Variants in KCNB2 observed in about 807,000 individuals in gnomAD.
The protein encoded by KCNB2 is potassium voltage-gated channel subfamily B member 2, also known as delayed rectifier potassium channel protein.
In KCNB2, 15 loss-of-function variants were observed where a neutral mutation model predicts 61.5. That is an observed-to-expected ratio of 0.24 (90% CI 0.16 to 0.38). The LOEUF (loss-of-function observed/expected upper bound fraction) is 0.38, where lower values mean the gene tolerates loss of function less well. Among genes scored for constraint, KCNB2 ranks in the 10% least tolerant of loss-of-function variants. The probability of loss-of-function intolerance (pLI) is 1.00; values close to 1 mark genes in which losing one functional copy is unlikely to be tolerated. For missense variants in KCNB2, 828 were observed against 1,125.2 expected, an observed-to-expected ratio of 0.74 and a Z score of 3.78; for synonymous variants, 457 against 446.0, an observed-to-expected ratio of 1.02 and a Z score of -0.31.
At chr8:72,718,189 A>G (rs7357485) in intron 2 of KCNB2, among the ~76,000 whole-genome samples, 101,478 of 151,312 alleles carry the variant, frequency 0.67, 34,757 homozygotes, top group African/African-American at 0.8. Flanking sequence ...GATGTGGAGA[A>G]ATAGGAACAC....
chr8:72,867,916 C>T (rs1274803262), intron 2 of KCNB2, among the ~76,000 whole-genome samples: 1 of 152,034 alleles, frequency 6.6e-6, no homozygotes, highest in African/African-American at 2.4e-5. Flanking sequence ...CTTCTTTCTG[C>T]GTTTTACCTC....
At chr8:72,926,034 G>A (rs898214270) in intron 2 of KCNB2, among the ~76,000 whole-genome samples, 38 of 152,184 alleles carry the variant, frequency 2.5e-4, no homozygotes, top group African/African-American at 7.5e-4. Context: ...TTATGAGTAG[G>A]AGCTGAACGA....
chr8:72,866,201 A>G (rs1308013038), intron 2 of KCNB2, among the ~76,000 whole-genome samples: 2 of 152,014 alleles, frequency 1.3e-5, no homozygotes, highest in African/African-American at 4.8e-5. Flanking sequence ...CTGCTGTGTT[A>G]CTCCTGGAAC....
At chr8:72,903,106 G>A (rs574044317) in intron 2 of KCNB2, among the ~76,000 whole-genome samples, 1 of 152,288 alleles carries the variant, frequency 6.6e-6, no homozygotes, top group East Asian at 1.9e-4. Context: ...CATCTAGTCT[G>A]AAGTTCTTTT....
chr8:72,872,933 C>T (rs568920211), intron 2 of KCNB2, among the ~76,000 whole-genome samples: 5 of 152,280 alleles, frequency 3.3e-5, no homozygotes, highest in East Asian at 1.9e-4. Flanking sequence ...AAGACTGTGT[C>T]GGAATATTCC....
chr8:72,806,400 C>T (rs1458246752), intron 2 of KCNB2, among the ~76,000 whole-genome samples: 1 of 148,164 alleles, frequency 6.7e-6, no homozygotes, highest in East Asian at 2.0e-4. Flanking sequence ...ATCAGGAGAT[C>T]CAGACCATCA....
At chr8:72,820,207 C>A (rs1177635740) in intron 2 of KCNB2, among the ~76,000 whole-genome samples, 2 of 152,190 alleles carry the variant, frequency 1.3e-5, no homozygotes, top group Admixed American at 1.3e-4. Flanking sequence ...TCCTTCTTTG[C>A]ATGGCTACTT....
At chr8:72,778,003 C>T (rs1425681056) in intron 2 of KCNB2, among the ~76,000 whole-genome samples, 4 of 152,156 alleles carry the variant, frequency 2.6e-5, no homozygotes, top group Non-Finnish European at 5.9e-5. Flanking sequence ...CCTTTCTTCC[C>T]GTCTTTTCTT....
intron 2 of KCNB2, among the ~76,000 whole-genome samples, chr8:72,829,551 C>T (rs941702351): frequency 6.6e-6 from 1 of 152,112 alleles, no homozygotes; most frequent in Non-Finnish European, 1.5e-5. Flanking sequence ...AAGTTCTCAC[C>T]ACAGCTGTAT....
chr8:72,814,109 G>A (rs1187589978), intron 2 of KCNB2, among the ~76,000 whole-genome samples: 2 of 152,034 alleles, frequency 1.3e-5, no homozygotes, highest in African/African-American at 2.4e-5. Flanking sequence ...AAGAGTGCAT[G>A]CTTTTTTTGT....
At chr8:72,729,215 G>A (rs974984258) in intron 2 of KCNB2, among the ~76,000 whole-genome samples, 5 of 152,206 alleles carry the variant, frequency 3.3e-5, no homozygotes, top group Non-Finnish European at 7.3e-5. Context: ...AATCTCAGTT[G>A]ACCTTCAGAC....
chr8:72,561,691 T>TTTTATATATATATATA (rs1554576093), intron 1 of KCNB2, among the ~76,000 whole-genome samples: 1 of 19,406 alleles, frequency 5.2e-5, no homozygotes, highest in Non-Finnish European at 8.3e-5. Context: ...GATCTTACTT[T>TTTTATATATATATATA]TATATATATA....
At chr8:72,647,382 A>G (rs897317377) in intron 2 of KCNB2, among the ~76,000 whole-genome samples, 1 of 152,138 alleles carries the variant, frequency 6.6e-6, no homozygotes, top group African/African-American at 2.4e-5. Flanking sequence ...AAAAAATAGC[A>G]TCTGTGAAGT....
chr8:72,592,453 C>CTGTGTGTGTG (rs10676983), intron 2 of KCNB2, among the ~76,000 whole-genome samples: 4,286 of 149,658 alleles, frequency 0.029, 89 homozygotes, highest in Middle Eastern at 0.075. Flanking sequence ...ATTATCAACT[C>CTGTGTGTGTG]TGTGTGTGTG....
At chr8:72,921,605 G>A (rs1806520969) in intron 2 of KCNB2, among the ~76,000 whole-genome samples, 1 of 152,114 alleles carries the variant, frequency 6.6e-6, no homozygotes, top group South Asian at 2.1e-4. Flanking sequence ...TAACATCAAA[G>A]AAATTTCTTG....
At chr8:72,622,452 G>C (rs7821791) in intron 2 of KCNB2, among the ~76,000 whole-genome samples, 30,367 of 152,140 alleles carry the variant, frequency 0.2, 3,488 homozygotes, top group East Asian at 0.51. Context: ...CTGAATTAAT[G>C]TGATATGAAT....
intron 2 of KCNB2, among the ~76,000 whole-genome samples, chr8:72,832,139 G>A (rs1809708981): frequency 1.3e-5 from 2 of 152,214 alleles, no homozygotes; most frequent in African/African-American, 4.8e-5. Context: ...AATGTATGCT[G>A]TAGGAGTGAA....
intron 2 of KCNB2, among the ~76,000 whole-genome samples, chr8:72,768,280 A>C (rs534750804): frequency 6.6e-6 from 1 of 152,038 alleles, no homozygotes; most frequent in East Asian, 1.9e-4. Flanking sequence ...AGGCTCAAGC[A>C]ATCCTGCCTC....
intron 2 of KCNB2, among the ~76,000 whole-genome samples, chr8:72,724,748 G>T (rs993270249): frequency 6.6e-6 from 1 of 152,090 alleles, no homozygotes; most frequent in African/African-American, 2.4e-5. Flanking sequence ...GCTAATTCTG[G>T]TAATTCTACC....
Sources: allele counts gnomAD v4.1 joint callset (sites outside exome capture counted in the v4.1 genomes callset), GRCh38; gene constraint gnomAD v4.1.1; transcripts MANE v1.5; gene names NCBI Gene and HGNC (gene_info 2026-07-23, HGNC 2026-07-21).